Variants in SLC24A2 observed in about 807,000 individuals in gnomAD.
SLC24A2 encodes the protein solute carrier family 24 member 2.
SLC24A2 carries 36 observed loss-of-function variants against 62.0 expected under a neutral mutation model. The observed-to-expected ratio is 0.58, with a 90% CI of 0.44 to 0.77. The LOEUF is 0.77. SLC24A2 is among the 30% of genes least tolerant of loss of function. SLC24A2 has a pLI of 0.00. For synonymous variants in SLC24A2, 358 were observed against 294.0 expected (o/e 1.22, Z -2.23); for missense variants, 846 against 817.9 (o/e 1.03, Z -0.42).
At chr9:20,190,697 A>G in the SLC24A2 span, among the ~76,000 whole-genome samples, 1 of 152,188 alleles carries the variant, frequency 6.6e-6, no homozygotes, top group South Asian at 2.1e-4. Context: ...CTTTTTCTGT[A>G]TTAGTCATGA....
At chr9:19,543,031 C>G (rs1447686455) in intron 8 of SLC24A2, among the ~76,000 whole-genome samples, 1 of 152,120 alleles carries the variant, frequency 6.6e-6, no homozygotes, top group Non-Finnish European at 1.5e-5. Flanking sequence ...CTCTTTGTAC[C>G]TCTGGTAGAA....
the SLC24A2 span, among the ~76,000 whole-genome samples, chr9:19,892,725 T>G: frequency 6.6e-6 from 1 of 152,160 alleles, no homozygotes; most frequent in Admixed American, 6.5e-5. Context: ...CTAGAAAAAT[T>G]TTTGGTTTGT....
At chr9:19,677,782 T>C (rs1033078640) in intron 2 of SLC24A2, among the ~76,000 whole-genome samples, 103 of 150,276 alleles carry the variant, frequency 6.9e-4, no homozygotes, top group African/African-American at 2.4e-3. Context: ...TTATGTGATA[T>C]CTATTATATA....
intron 9 of SLC24A2, among the ~76,000 whole-genome samples, chr9:19,523,682 C>G (rs961122307): frequency 6.6e-6 from 1 of 152,074 alleles, no homozygotes; most frequent in African/African-American, 2.4e-5. Context: ...AGGCTGGTCT[C>G]GAACTCCTGA....
intron 2 of SLC24A2, among the ~76,000 whole-genome samples, chr9:19,625,322 G>T (rs1201093955): frequency 6.6e-6 from 1 of 152,052 alleles, no homozygotes; most frequent in African/African-American, 2.4e-5. Flanking sequence ...TAAATTTAAT[G>T]AATACATTTA....
the SLC24A2 span, among the ~76,000 whole-genome samples, chr9:20,162,088 C>A: frequency 6.6e-6 from 1 of 151,436 alleles, no homozygotes; most frequent in African/African-American, 2.4e-5. Context: ...TAAAATTAAC[C>A]TATAAAATTC....
chr9:19,630,744 T>C (rs1564006689), intron 2 of SLC24A2, among the ~76,000 whole-genome samples: 1 of 152,186 alleles, frequency 6.6e-6, no homozygotes, highest in Non-Finnish European at 1.5e-5. Context: ...AAACATCATA[T>C]AAACCCAATT....
chr9:20,134,755 A>G, the SLC24A2 span, among the ~76,000 whole-genome samples: 2 of 152,150 alleles, frequency 1.3e-5, no homozygotes, highest in Non-Finnish European at 2.9e-5. Flanking sequence ...TGGGCCACTA[A>G]ACAGTCTAGA....
rs149992540 is a variant in SLC24A2 at position 19,755,528 on chromosome 9, C to T, written c.930+30409G>A. ...ACGGAAATAGTGTGAAACAGGTGGC[C>T]GGGTGTGGAAGTATGACAAAGAGGG... On this transcript the variant is annotated intron_variant, in intron 2 of 10. Transcript: ENST00000341998. 1.2e-3 allele frequency among the ~76,000 whole-genome samples: 180 copies of T among 152,178 alleles called. 1 individual carries two copies. Among genetic ancestry groups the T allele is most frequent in the Middle Eastern group, 3.4e-3 (1 of 294 alleles).
At chr9:19,888,150 T>A in the SLC24A2 span, among the ~76,000 whole-genome samples, 8 of 152,218 alleles carry the variant, frequency 5.3e-5, no homozygotes, top group African/African-American at 1.9e-4. Context: ...AAAAGTATCC[T>A]TTCCAACCTT....
the SLC24A2 span, among the ~76,000 whole-genome samples, chr9:19,963,675 T>C: frequency 6.6e-6 from 1 of 152,102 alleles, no homozygotes; most frequent in Non-Finnish European, 1.5e-5. Context: ...TGAGATACCA[T>C]CTCACACCAG....
At chr9:20,087,702 G>C in the SLC24A2 span, among the ~76,000 whole-genome samples, 34 of 152,302 alleles carry the variant, frequency 2.2e-4, no homozygotes, top group African/African-American at 8.2e-4. Context: ...GGCCAAGATG[G>C]CTGACTAGAA....
At chr9:20,260,534 G>C in the SLC24A2 span, among the ~76,000 whole-genome samples, 3 of 152,194 alleles carry the variant, frequency 2.0e-5, no homozygotes, top group Non-Finnish European at 4.4e-5. Flanking sequence ...TCATTTTATA[G>C]AAATCCATAT....
chr9:19,550,203 G>C lies in SLC24A2; in HGVS notation c.1413C>G (p.Val471=). ...LAWPSETRKQ[V]TFLIVFPIVF... is the part of the protein sequence containing the mutation. The stretch of plus-strand genomic sequence containing the variant: ...CTATGGGGAAAACAATCAGAAACGT[G>C]ACTTGCTTGCGGGTTTCAGAAGGCC... The change falls in exon 8 of 11, where the codon GTC becomes GTG. Residue 471 remains valine (V), a synonymous_variant. Coordinates refer to ENST00000341998, the MANE Select transcript of SLC24A2 (RefSeq NM_020344.4). 6.2e-7 allele frequency: 1 copy of C among 1,614,144 alleles called. No homozygotes were observed. The highest frequency in any genetic ancestry group is 8.5e-7 in the Non-Finnish European group (1 of 1,179,986).
Position 19,550,149 on chromosome 9 carries a change from G to T in SLC24A2, c.1467C>A (p.Asp489Glu). 1 of 1,613,964 alleles carries T rather than the reference G, an allele frequency of 6.2e-7. No individual in the cohort carries two copies. The highest frequency in any genetic ancestry group is 1.1e-5 in the South Asian group (1 of 91,074). ...ATGCTTTACTTACAGGTTTGCGAAC[G>T]TCAGGTAACGTAATCCAGAGAGGAA... is the stretch of plus-strand genomic sequence containing the variant. ...IVFPLWITLP[D>E]VRKPSSRKFF... is the part of the protein sequence containing the mutation. The change falls in exon 8 of 11, where the codon GAC (aspartate) becomes GAA (glutamate). Residue 489 changes from aspartate (D) to glutamate (E), a missense_variant. Asp to Glu is a conservative substitution (Grantham distance 45). Transcript: ENST00000341998.
the SLC24A2 span, among the ~76,000 whole-genome samples, chr9:19,882,128 C>CA: frequency 1.3e-5 from 2 of 152,064 alleles, no homozygotes; most frequent in Non-Finnish European, 2.9e-5. Context: ...GGGTAGTTCT[C>CA]AAAAATGGGA....
chr9:19,759,050 T>A (rs951419056), intron 2 of SLC24A2, among the ~76,000 whole-genome samples: 1 of 152,184 alleles, frequency 6.6e-6, no homozygotes, highest in Non-Finnish European at 1.5e-5. Flanking sequence ...ACTCTCATCT[T>A]GCCAAGCAAA....
chr9:19,556,954 A>T (rs1008789950), intron 7 of SLC24A2, among the ~76,000 whole-genome samples: 1 of 152,214 alleles, frequency 6.6e-6, no homozygotes, highest in Non-Finnish European at 1.5e-5. Flanking sequence ...GCAATCATAG[A>T]TGTCTGCAGT....
In SLC24A2 at chr9:19,515,767, G is replaced by A; in HGVS notation, c.*386C>T. 3.5e-6 allele frequency: 1 copy of A among 284,734 alleles called. No individual in the cohort carries two copies. The allele number at this position is 284,734 out of a possible 1,614,324, so 17.6% of individuals were successfully genotyped here. On this transcript the variant is annotated 3_prime_UTR_variant, in exon 11 of 11. Transcript: ENST00000341998. ...CTAATCTATAGGTATGCAAGGAGAG[G>A]TATAGTACAGGAACAGGCAGGATTT...
Sources: gnomAD v4.1 joint callset for allele counts (sites outside exome capture counted in the v4.1 genomes callset) on GRCh38, gnomAD v4.1.1 for gene constraint, MANE v1.5 for transcripts, NCBI Gene and HGNC (gene_info 2026-07-23, HGNC 2026-07-21) for gene names.